SLIT3: variants seen among roughly 807,000 people sequenced by gnomAD.
SLIT3 encodes slit guidance ligand 3, also known as slit homolog 3 protein.
Under a neutral mutation model 184.0 loss-of-function variants are expected in SLIT3, and 68 were observed. The observed-to-expected ratio is 0.37, with a 90% CI of 0.30 to 0.45. The LOEUF (loss-of-function observed/expected upper bound fraction) is 0.45, where lower values mean the gene tolerates loss of function less well. SLIT3 is among the 20% of genes least tolerant of loss of function. The pLI is 1.00. For missense variants in SLIT3, 1,707 were observed against 2,026.0 expected (o/e 0.84, Z 3.02); for synonymous variants, 831 against 828.6 (o/e 1.00, Z -0.05).
intron 4 of SLIT3, among the ~76,000 whole-genome samples, chr5:169,185,777 T>C (rs147102821): frequency 6.6e-6 from 1 of 152,310 alleles, no homozygotes; most frequent in East Asian, 1.9e-4. Context: ...ATAAGGGAGC[T>C]AGCATTTACT....
intron 4 of SLIT3, among the ~76,000 whole-genome samples, chr5:168,963,827 CT>C (rs1206734767): frequency 6.6e-6 from 1 of 152,174 alleles, no homozygotes; most frequent in Non-Finnish European, 1.5e-5. Flanking sequence ...TTATATAAGG[CT>C]TGCCTTACAT....
chr5:168,921,534 C>T (rs1022772919), intron 4 of SLIT3, among the ~76,000 whole-genome samples: 4 of 152,242 alleles, frequency 2.6e-5, no homozygotes, highest in South Asian at 2.1e-4. Flanking sequence ...GAAAAATGAG[C>T]GCATTAGTTC....
chr5:169,196,582 A>G (rs542755362), intron 3 of SLIT3, among the ~76,000 whole-genome samples: 1 of 152,262 alleles, frequency 6.6e-6, no homozygotes, highest in Non-Finnish European at 1.5e-5. Context: ...GTCATTATTA[A>G]TCCTGTCTCA....
chr5:169,141,965 G>C (rs954042540), intron 4 of SLIT3, among the ~76,000 whole-genome samples: 6 of 150,986 alleles, frequency 4.0e-5, no homozygotes, highest in African/African-American at 1.5e-4. Context: ...CAGGAGAATA[G>C]CGTGAACCTG....
chr5:168,932,885 T>C lies in SLIT3; in HGVS notation c.414-49549A>G, dbSNP rs189603461. ...GCACAACATGCATAACCTTGTGTGGTAGTCTGGCCCATAGAAAGAGCTCAG... is the reference window on the plus strand; with the variant it reads ...GCACAACATGCATAACCTTGTGTGGCAGTCTGGCCCATAGAAAGAGCTCAG... On this transcript the variant is annotated intron_variant, in intron 4 of 35. Coordinates refer to ENST00000519560, the MANE Select transcript of SLIT3 (RefSeq NM_003062.4). Among the ~76,000 whole-genome samples, 10 of 152,314 alleles carry C rather than the reference T, an allele frequency of 6.6e-5. No homozygotes were observed. In the East Asian group the frequency reaches 1.9e-3, roughly 29 times the overall value.
chr5:168,871,755 T>G (rs771855842), intron 5 of SLIT3, among the ~76,000 whole-genome samples: 7 of 152,144 alleles, frequency 4.6e-5, no homozygotes, highest in Non-Finnish European at 7.4e-5. Context: ...CAATAATAAT[T>G]ACTACTCTTC....
In SLIT3 at chr5:168,827,425, A is replaced by G. The variant is rs558932151; in HGVS notation, c.558-4094T>C. Among the ~76,000 whole-genome samples the G allele has an allele frequency of 1.1e-4, 17 of 152,072 alleles. No homozygotes were observed. In the South Asian group the frequency reaches 2.7e-3, roughly 24 times the overall value. On this transcript the variant is annotated intron_variant, in intron 6 of 35. Transcript: ENST00000519560. The stretch of plus-strand genomic sequence containing the variant: ...GTCACTTCAACCTCTTCTTTTTGTT[A>G]CTCAACGATTTTTTAAAAAATATAT...
chr5:168,961,940 G>A (rs989299231), intron 4 of SLIT3, among the ~76,000 whole-genome samples: 3 of 152,078 alleles, frequency 2.0e-5, no homozygotes, highest in Admixed American at 1.3e-4. Context: ...ACCACTCTGG[G>A]TATGATATGG....
At chr5:168,872,640 CTTTTTTT>C (rs774066150) in intron 5 of SLIT3, among the ~76,000 whole-genome samples, 1 of 112,430 alleles carries the variant, frequency 8.9e-6, no homozygotes, top group Non-Finnish European at 1.8e-5. Flanking sequence ...TCTTCTTCTT[CTTTTTTT>C]TTTTTTTTTG....
chr5:169,242,435 G>A (rs889701272), intron 3 of SLIT3, among the ~76,000 whole-genome samples: 1 of 152,192 alleles, frequency 6.6e-6, no homozygotes, highest in Non-Finnish European at 1.5e-5. Context: ...CCACATGACT[G>A]AGTTCTAGCC....
chr5:169,297,740 T>C (rs890245273), intron 1 of SLIT3, among the ~76,000 whole-genome samples: 1 of 152,174 alleles, frequency 6.6e-6, no homozygotes, highest in African/African-American at 2.4e-5. Flanking sequence ...TACATTGAAG[T>C]GCTGGTTTTC....
chr5:168,811,431 T>C (rs1007922071), intron 8 of SLIT3, among the ~76,000 whole-genome samples: 12 of 152,218 alleles, frequency 7.9e-5, no homozygotes, highest in African/African-American at 2.9e-4. Context: ...AATGTTTTAA[T>C]GTTTAGCCCT....
intron 4 of SLIT3, among the ~76,000 whole-genome samples, chr5:169,102,253 C>A (rs1760047927): frequency 6.6e-6 from 1 of 152,154 alleles, no homozygotes; most frequent in Admixed American, 6.5e-5. Flanking sequence ...TGAAATCACT[C>A]CCAGCCAATT....
chr5:169,207,370 T>TACACAC (rs56721949), intron 3 of SLIT3, among the ~76,000 whole-genome samples: 204 of 131,894 alleles, frequency 1.5e-3, no homozygotes, highest in East Asian at 3.9e-3. Context: ...TACACATACA[T>TACACAC]ACACACACAC....
intron 5 of SLIT3, among the ~76,000 whole-genome samples, chr5:168,845,520 C>T (rs941118768): frequency 6.8e-6 from 1 of 146,848 alleles, no homozygotes; most frequent in African/African-American, 2.5e-5. Context: ...TCCTGTGATC[C>T]TGTGAGCATG....
At chr5:169,195,189 C>T (rs1284888493) in intron 3 of SLIT3, among the ~76,000 whole-genome samples, 1 of 152,138 alleles carries the variant, frequency 6.6e-6, no homozygotes, top group Non-Finnish European at 1.5e-5. Context: ...AAGCCCTGGC[C>T]CCCTTCCCCT....
At chr5:169,287,576 G>C (rs1274785827) in intron 1 of SLIT3, among the ~76,000 whole-genome samples, 1 of 152,154 alleles carries the variant, frequency 6.6e-6, no homozygotes, top group Non-Finnish European at 1.5e-5. Flanking sequence ...GATGGGTTGA[G>C]ATCAGTGGGG....
intron 6 of SLIT3, among the ~76,000 whole-genome samples, chr5:168,835,571 G>A (rs1184618612): frequency 6.6e-6 from 1 of 151,928 alleles, no homozygotes; most frequent in Non-Finnish European, 1.5e-5. Context: ...CGCTTTGGGA[G>A]GCCGAGGTGG....
chr5:169,174,844 C>T (rs1323202229), intron 4 of SLIT3, among the ~76,000 whole-genome samples: 2 of 152,140 alleles, frequency 1.3e-5, no homozygotes, highest in African/African-American at 4.8e-5. Context: ...CGCTCTTTAT[C>T]CCATGGAGCT....
Sources: allele counts gnomAD v4.1 joint callset (sites outside exome capture counted in the v4.1 genomes callset), GRCh38; gene constraint gnomAD v4.1.1; transcripts MANE v1.5; gene names NCBI Gene and HGNC (gene_info 2026-07-23, HGNC 2026-07-21).